Variants in ASTN1 observed in about 807,000 individuals in gnomAD.
ASTN1 encodes astrotactin 1.
Under a neutral mutation model 140.7 loss-of-function variants are expected in ASTN1, and 41 were observed. That is an observed-to-expected ratio of 0.29 (90% CI 0.23 to 0.38). The LOEUF (loss-of-function observed/expected upper bound fraction) is 0.38, where lower values mean the gene tolerates loss of function less well. Ranked by LOEUF, ASTN1 falls within the 10% of genes least tolerant of loss-of-function variation. The probability of loss-of-function intolerance (pLI) is 1.00; values close to 1 mark genes in which losing one functional copy is unlikely to be tolerated. For missense variants in ASTN1, 1,479 were observed against 1,678.8 expected (o/e 0.88, Z 2.08); for synonymous variants, 640 against 652.2 (o/e 0.98, Z 0.29).
intron 8 of ASTN1, among the ~76,000 whole-genome samples, chr1:176,974,593 G>T (rs916733149): frequency 1.3e-5 from 2 of 151,998 alleles, no homozygotes; most frequent in African/African-American, 4.8e-5. Flanking sequence ...CACCATATTG[G>T]CCAGGTTGGT....
At chr1:177,046,464 G>A (rs139402661) in intron 2 of ASTN1, among the ~76,000 whole-genome samples, 1 of 152,288 alleles carries the variant, frequency 6.6e-6, no homozygotes, top group Admixed American at 6.5e-5. Context: ...ACAGGAAAAT[G>A]AGGAGCTGTT....
chr1:176,949,493 C>G, intron 11 of ASTN1, 142 bp from the exon 12 acceptor site: 1 of 947,312 alleles, frequency 1.1e-6, no homozygotes, highest in Non-Finnish European at 1.5e-6. Context: ...GAATTTCCTA[C>G]CACAGCAGAC....
chr1:177,097,849 G>A (rs905003727), intron 1 of ASTN1, among the ~76,000 whole-genome samples: 12 of 152,102 alleles, frequency 7.9e-5, no homozygotes, highest in East Asian at 1.9e-4. Flanking sequence ...TGGAACCTCC[G>A]TAAAACCCCT....
chr1:177,124,889 A>G (rs746588315), intron 1 of ASTN1, among the ~76,000 whole-genome samples: 2 of 152,198 alleles, frequency 1.3e-5, no homozygotes, highest in African/African-American at 2.4e-5. Flanking sequence ...GCTGCCTACT[A>G]TCTCAAGTCT....
At chr1:177,149,039 G>A (rs1472090967) in intron 1 of ASTN1, among the ~76,000 whole-genome samples, 4 of 137,572 alleles carry the variant, frequency 2.9e-5, no homozygotes, top group Non-Finnish European at 6.2e-5. Context: ...TATATATATA[G>A]TAAATATATA....
At chr1:176,961,406 A>G (rs1672654650) in intron 9 of ASTN1, among the ~76,000 whole-genome samples, 1 of 152,326 alleles carries the variant, frequency 6.6e-6, no homozygotes, top group Non-Finnish European at 1.5e-5. Flanking sequence ...CTGTAGGGGA[A>G]GCAAAGTCAG....
chr1:176,926,288 C>CA (rs3041009), intron 16 of ASTN1, among the ~76,000 whole-genome samples: 3 of 131,150 alleles, frequency 2.3e-5, no homozygotes. Context: ...AGTGCCTGCT[C>CA]AAAAAAAAAA....
intron 4 of ASTN1, among the ~76,000 whole-genome samples, chr1:177,029,953 C>A (rs1018535033): frequency 6.6e-6 from 1 of 152,218 alleles, no homozygotes; most frequent in Non-Finnish European, 1.5e-5. Flanking sequence ...CTCTACCCTG[C>A]CCCACCCACT....
chr1:176,966,536 A>G (rs1672894666), intron 8 of ASTN1, among the ~76,000 whole-genome samples: 1 of 152,200 alleles, frequency 6.6e-6, no homozygotes, highest in Non-Finnish European at 1.5e-5. Flanking sequence ...CCATTGACAC[A>G]TAAGCACAAA....
At chr1:177,071,101 C>T (rs1407209002) in intron 1 of ASTN1, among the ~76,000 whole-genome samples, 1 of 152,048 alleles carries the variant, frequency 6.6e-6, no homozygotes, top group African/African-American at 2.4e-5. Flanking sequence ...GTTGAGAAGC[C>T]CAGGGCAAGT....
In ASTN1 at chr1:177,032,550, G is replaced by A. The variant is rs1244791543; in HGVS notation, c.771C>T (p.Cys257=). ...TDLRHHLQRE[C]MNGGEDFASQ... is the part of the protein sequence containing the mutation. ...TGGCAAAGTCCTCCCCTCCGTTCAT[G>A]CACTCCCTCTGCAGATGGTGGCGCA... Residue 257 remains cysteine, a synonymous_variant, in exon 3 of 23, where the codon TGC becomes TGT. Coordinates refer to ENST00000361833, the MANE Select transcript of ASTN1 (RefSeq NM_004319.3). The A allele has an allele frequency of 6.2e-7, 1 of 1,614,140 alleles. No individual in the cohort carries two copies. The highest frequency in any genetic ancestry group is 1.1e-5 in the South Asian group (1 of 91,080).
chr1:176,908,746 A>G (rs1670103745), intron 16 of ASTN1, among the ~76,000 whole-genome samples: 1 of 152,206 alleles, frequency 6.6e-6, no homozygotes, highest in South Asian at 2.1e-4. Flanking sequence ...TTTTGATGGT[A>G]GGAGCCATTC....
At chr1:176,959,381 C>T (rs1672556552) in intron 9 of ASTN1, among the ~76,000 whole-genome samples, 3 of 152,056 alleles carry the variant, frequency 2.0e-5, no homozygotes, top group African/African-American at 7.2e-5. Context: ...CAGAACCAAG[C>T]GCTGGCTCCA....
intron 2 of ASTN1, among the ~76,000 whole-genome samples, chr1:177,055,789 GA>G (rs1472998956): frequency 2.0e-5 from 3 of 152,154 alleles, no homozygotes; most frequent in African/African-American, 4.8e-5. Context: ...TAAGTTGAAT[GA>G]AAAAAATACT....
At chr1:177,107,272 T>C (rs1170052792) in intron 1 of ASTN1, among the ~76,000 whole-genome samples, 2 of 152,172 alleles carry the variant, frequency 1.3e-5, no homozygotes, top group African/African-American at 2.4e-5. Flanking sequence ...GCAGGTTCAA[T>C]CTAGCTATAC....
intron 6 of ASTN1, 76 bp downstream of exon 6, chr1:177,024,507 C>T (rs2101959151): frequency 1.3e-6 from 2 of 1,540,854 alleles, no homozygotes; most frequent in Non-Finnish European, 1.8e-6. Flanking sequence ...TGACTCCTGT[C>T]TTCTCTAGCC....
chr1:176,989,721 T>C (rs867502092), intron 8 of ASTN1, among the ~76,000 whole-genome samples: 1 of 152,186 alleles, frequency 6.6e-6, no homozygotes. Context: ...CATGACATTT[T>C]GCTGATAATG....
intron 7 of ASTN1, among the ~76,000 whole-genome samples, chr1:177,023,191 A>G (rs1046414299): frequency 1.8e-4 from 28 of 152,210 alleles, no homozygotes; most frequent in African/African-American, 6.8e-4. Context: ...GCTTGGGACT[A>G]CAGTTAGTAT....
Position 177,068,256 on chromosome 1 carries a change from C to T in ASTN1, c.284-6991G>A, listed in dbSNP as rs74127293. Among the ~76,000 whole-genome samples the T allele has an allele frequency of 2.3e-3, 355 of 152,302 alleles. 2 individuals carry two copies. Among genetic ancestry groups the T allele is most frequent in the African/African-American group, 8.3e-3 (345 of 41,564 alleles). ...TCTCATTCCTCTTTCTCCAAACAGG[C>T]TTGAGCAATGGCCACAGAACTATGT... On this transcript the variant is annotated intron_variant, in intron 1 of 22. Coordinates refer to ENST00000361833, the MANE Select transcript of ASTN1 (RefSeq NM_004319.3).
Sources: allele counts gnomAD v4.1 joint callset (sites outside exome capture counted in the v4.1 genomes callset), GRCh38; gene constraint gnomAD v4.1.1; transcripts MANE v1.5; gene names NCBI Gene and HGNC (gene_info 2026-07-23, HGNC 2026-07-21).